Variants in VLDLR observed in about 807,000 individuals in gnomAD.
VLDLR encodes very low density lipoprotein receptor.
A neutral mutation model predicts 112.7 loss-of-function variants in VLDLR; 81 were observed. That is an observed-to-expected ratio of 0.72 (90% CI 0.60 to 0.86). The LOEUF (loss-of-function observed/expected upper bound fraction) is 0.86, where lower values mean the gene tolerates loss of function less well. VLDLR is among the 40% of genes least tolerant of loss of function. The pLI is 0.00. For missense variants in VLDLR, 1,237 were observed against 1,099.4 expected, an observed-to-expected ratio of 1.13 and a Z score of -1.77; for synonymous variants, 436 against 384.8, an observed-to-expected ratio of 1.13 and a Z score of -1.56.
At chr9:2,642,598 T>G (rs534617895) in intron 4 of VLDLR, among the ~76,000 whole-genome samples, 1 of 152,354 alleles carries the variant, frequency 6.6e-6, no homozygotes, top group Admixed American at 6.5e-5. Flanking sequence ...CATACCTGAT[T>G]GTTAAATGGT....
Position 2,647,586 on chromosome 9 carries a change from A to C in VLDLR, c.1816A>C (p.Thr606Pro). The C allele has an allele frequency of 6.2e-7, 1 of 1,613,012 alleles. No homozygotes were observed. Among genetic ancestry groups the C allele is most frequent in the Non-Finnish European group, 8.5e-7 (1 of 1,178,968 alleles). Reference sequence around the variant, plus strand: ...GGATATCCAGTGGCCTAACGGAATTACACTTGGTATGTATGTTCTTCCTTC... The same window carrying C: ...GGATATCCAGTGGCCTAACGGAATTCCACTTGGTATGTATGTTCTTCCTTC... Reference protein sequence around the residue: ...TADIQWPNGITLDLIKSRLYW... With the variant: ...TADIQWPNGIPLDLIKSRLYW... The change falls in exon 12 of 19, where the codon ACA becomes CCA. Residue 606 changes from threonine to proline, a missense_variant. Thr to Pro is a conservative substitution (Grantham distance 38, BLOSUM62 -1). Coordinates refer to ENST00000382100, the MANE Select transcript of VLDLR (RefSeq NM_003383.5).
intron 3 of VLDLR, 58 bp from the exon 4 acceptor site, chr9:2,641,319 G>A (rs1178688244): frequency 1.2e-6 from 2 of 1,612,202 alleles, no homozygotes; most frequent in Admixed American, 1.7e-5. Context: ...CAGCACAGGA[G>A]CAGCAGCTTT....
intron 2 of VLDLR, 46 bp from the exon 3 acceptor site, chr9:2,639,813 G>T (rs758234271): frequency 1.2e-6 from 2 of 1,613,980 alleles, no homozygotes; most frequent in African/African-American, 1.3e-5. Context: ...AGCTAGGGCT[G>T]TGGGTAAATG....
intron 1 of VLDLR, among the ~76,000 whole-genome samples, chr9:2,635,200 C>G (rs1477217893): frequency 6.6e-6 from 1 of 152,134 alleles, no homozygotes; most frequent in East Asian, 1.9e-4. Flanking sequence ...TTCCATTAGT[C>G]AGAATGTAGC....
intron 15 of VLDLR, 91 bp downstream of exon 15, chr9:2,650,607 C>G: frequency 6.5e-7 from 1 of 1,531,306 alleles, no homozygotes; most frequent in Non-Finnish European, 8.9e-7. Flanking sequence ...TCTGTCTTAG[C>G]TAATTCTTTG....
In VLDLR at chr9:2,643,368, C is replaced by T. The variant is rs747160257; in HGVS notation, c.657C>T (p.Ser219=). The T allele has an allele frequency of 1.5e-5, 25 of 1,614,008 alleles. No homozygotes were observed. The highest frequency in any genetic ancestry group is 5.3e-5 in the African/African-American group (4 of 74,898). Residue 219 remains serine, a synonymous_variant, in exon 5 of 19, where the codon TCC becomes TCT. Coordinates refer to ENST00000382100, the MANE Select transcript of VLDLR (RefSeq NM_003383.5). ...SWVCDDDADC[S]DQSDESLEQC... is the part of the protein sequence containing the mutation. ...TATGCGACGATGATGCAGACTGCTC[C>T]GACCAATCTGATGAGTCCCTGGAGC...
At chr9:2,653,216 A>G (rs1818431179) in intron 18 of VLDLR, among the ~76,000 whole-genome samples, 1 of 152,242 alleles carries the variant, frequency 6.6e-6, no homozygotes, top group African/African-American at 2.4e-5. Context: ...TGTAAATACT[A>G]GCATGAACCA....
At chr9:2,635,703 G>T in intron 2 of VLDLR, 131 bp downstream of exon 2, 1 of 1,388,864 alleles carries the variant, frequency 7.2e-7, no homozygotes, top group East Asian at 2.4e-5. Context: ...ACTTCTCTGT[G>T]TAAAGGAATA....
rs1563773593 is a variant in VLDLR at position 2,658,083 on chromosome 9, T to G, written c.*4215T>G. 1 of 152,208 alleles carries G rather than the reference T, an allele frequency of 6.6e-6. No homozygotes were observed. Among genetic ancestry groups the G allele is most frequent in the African/African-American group, 2.4e-5 (1 of 41,454 alleles). The allele number at this position is 152,208 out of a possible 1,614,324, so 9.4% of individuals were successfully genotyped here. On this transcript the variant is annotated 3_prime_UTR_variant, in exon 19 of 19. Coordinates refer to ENST00000382100, the MANE Select transcript of VLDLR (RefSeq NM_003383.5). The stretch of plus-strand genomic sequence containing the variant: ...GAACAATGGCGTTTTTCGAACTTAT[T>G]TCTCTCTAATCCAGCCTGGAGGATT...
At chr9:2,644,698 A>G (rs1817992519) in intron 7 of VLDLR, 36 bp from the exon 8 acceptor site, 1 of 1,613,784 alleles carries the variant, frequency 6.2e-7, no homozygotes, top group African/African-American at 1.3e-5. Context: ...TTAATTGAAA[A>G]TAAGTTGTCA....
At chr9:2,639,423 C>G (rs1240894270) in intron 2 of VLDLR, among the ~76,000 whole-genome samples, 1 of 152,182 alleles carries the variant, frequency 6.6e-6, no homozygotes, top group Non-Finnish European at 1.5e-5. Flanking sequence ...CACGTGAATT[C>G]TGGGTGGAGA....
Position 2,657,652 on chromosome 9 carries a change from ACTG to A in VLDLR, c.*3795_*3797del. The A allele has an allele frequency of 6.6e-6, 1 of 152,396 alleles. No individual in the cohort carries two copies. Among genetic ancestry groups the A allele is most frequent in the Non-Finnish European group, 1.5e-5 (1 of 68,082 alleles). The allele number at this position is 152,396 out of a possible 1,614,324, so 9.4% of individuals were successfully genotyped here. A position where few individuals can be genotyped will look rare whatever the true frequency, so the allele number is the denominator to read the frequency against. ...AGCAGCGATAGTTGCGTCAGTGCTA[ACTG>A]CTGCTGCTGCCCGTTCTGTTGGCGG... On this transcript the variant is annotated 3_prime_UTR_variant, in exon 19 of 19. Coordinates refer to ENST00000382100, the MANE Select transcript of VLDLR (RefSeq NM_003383.5).
chr9:2,630,705 CA>C (rs764435279), intron 1 of VLDLR, among the ~76,000 whole-genome samples: 20 of 152,186 alleles, frequency 1.3e-4, no homozygotes, highest in Non-Finnish European at 2.4e-4. Context: ...GAAAATTAGA[CA>C]ATGGCGGCTG....
At chr9:2,639,820 A>C (rs1438064572) in intron 2 of VLDLR, 39 bp from the exon 3 acceptor site, 1 of 1,614,058 alleles carries the variant, frequency 6.2e-7, no homozygotes. Flanking sequence ...GCTGTGGGTA[A>C]ATGACTTCAA....
In VLDLR at chr9:2,651,857, CT is replaced by C. The variant is rs1315758777; in HGVS notation, c.2336-13del. On this transcript the variant is annotated splice_polypyrimidine_tract_variant and intron_variant, in intron 16 of 18. Coordinates refer to ENST00000382100, the MANE Select transcript of VLDLR (RefSeq NM_003383.5). The stretch of plus-strand genomic sequence containing the variant: ...AATACAGATCCTTCTAAACTGATTC[CT>C]TTTATTCCTCTGTAGGGATCAATGT... 3 of 1,613,934 alleles carry C rather than the reference CT, an allele frequency of 1.9e-6. No homozygotes were observed. The Admixed American group carries it at 5.0e-5, about 27-fold the overall frequency.
chr9:2,622,152 GC>G lies in VLDLR; in HGVS notation c.-37del. The G allele has an allele frequency of 1.7e-6, 1 of 595,486 alleles. No individual in the cohort carries two copies. Among genetic ancestry groups the G allele is most frequent in the Non-Finnish European group, 2.4e-6 (1 of 421,044 alleles). The allele number at this position is 595,486 out of a possible 1,614,324, so 36.9% of individuals were successfully genotyped here. ...AACTTGTCGTGCGGAGCGAACGGCG[GC>G]GGCGGCGGCGGCGGCGGCACCATCC... On this transcript the variant is annotated 5_prime_UTR_variant, in exon 1 of 19. Transcript: ENST00000382100.
chr9:2,633,702 C>G (rs1483120250), intron 1 of VLDLR, among the ~76,000 whole-genome samples: 2 of 152,144 alleles, frequency 1.3e-5, no homozygotes, highest in Admixed American at 6.5e-5. Context: ...CCTATGTTCT[C>G]AGACTACAAA....
chr9:2,635,446 ATT>A lies in VLDLR; in HGVS notation c.83-6_83-5del. The A allele has an allele frequency of 6.2e-7, 1 of 1,613,972 alleles. No homozygotes were observed. Among genetic ancestry groups the A allele is most frequent in the Non-Finnish European group, 8.5e-7 (1 of 1,179,878 alleles). On this transcript the variant is annotated splice_polypyrimidine_tract_variant and splice_region_variant and intron_variant, in intron 1 of 18. Transcript: ENST00000382100. Reference sequence around the variant, plus strand: ...TTGCTTTACCGAATGTTCCCTTCTTATTCTAGGGAGAAAAGCCAAATGTGAAC... The same window carrying A: ...TTGCTTTACCGAATGTTCCCTTCTTACTAGGGAGAAAAGCCAAATGTGAAC...
At position 2,621,809 on chromosome 9, in the gene VLDLR, G is replaced by A. The variant is rs536715395; in HGVS notation, c.-381G>A. ...CTCACCCCGCTCTCCGGCCGCCGCCGGTGCGGGTGCTCCGCTACCGGCTCC... is the reference window on the plus strand; with the variant it reads ...CTCACCCCGCTCTCCGGCCGCCGCCAGTGCGGGTGCTCCGCTACCGGCTCC... On this transcript the variant is annotated 5_prime_UTR_variant, in exon 1 of 19. Transcript: ENST00000382100. 3 of 455,948 alleles carry A rather than the reference G, an allele frequency of 6.6e-6. No homozygotes were observed. Among genetic ancestry groups the A allele is most frequent in the Non-Finnish European group, 4.2e-6 (1 of 238,182 alleles). 28.2% of individuals were successfully genotyped at this position (455,948 alleles called of 1,614,324 possible).
Sources: gnomAD v4.1 joint callset for allele counts (sites outside exome capture counted in the v4.1 genomes callset) on GRCh38, gnomAD v4.1.1 for gene constraint, MANE v1.5 for transcripts, NCBI Gene and HGNC (gene_info 2026-07-23, HGNC 2026-07-21) for gene names.